PCDH9: variants seen among roughly 807,000 people sequenced by gnomAD.
The protein encoded by PCDH9 is protocadherin 9.
A neutral mutation model predicts 70.6 loss-of-function variants in PCDH9; 24 were observed. The observed-to-expected ratio is 0.34, with a 90% CI of 0.25 to 0.48. PCDH9 has a LOEUF of 0.48. Among genes scored for constraint, PCDH9 ranks in the 20% least tolerant of loss-of-function variants. PCDH9 has a pLI of 0.99. For missense variants in PCDH9, 1,281 were observed against 1,503.6 expected (o/e 0.85, Z 2.45); for synonymous variants, 562 against 558.5 (o/e 1.01, Z -0.09).
intron 3 of PCDH9, among the ~76,000 whole-genome samples, chr13:66,734,263 G>A (rs1039674996): frequency 6.6e-6 from 1 of 152,130 alleles, no homozygotes; most frequent in African/African-American, 2.4e-5. Context: ...TCCCTGGTTG[G>A]CAGTACTCAT....
chr13:67,225,085 C>A lies in PCDH9; in HGVS notation c.3036+320G>T, dbSNP rs186748281. On this transcript the variant is annotated intron_variant, in intron 2 of 4. Transcript: ENST00000377865. ...CAGTCAATTTGGAAACCCCCAGGAG[C>A]AGAATTTGGCATATCAGGACAGGTT... 9.6e-4 allele frequency: 1,132 copies of A among 1,182,232 alleles called. 23 individuals are homozygous for A. Among genetic ancestry groups the A allele is most frequent in the East Asian group, 2.1e-3 (46 of 22,348 alleles). The allele number at this position is 1,182,232 out of a possible 1,614,324, so 73.2% of individuals were successfully genotyped here.
At chr13:66,337,698 T>A (rs2079060168) in intron 4 of PCDH9, among the ~76,000 whole-genome samples, 1 of 152,068 alleles carries the variant, frequency 6.6e-6, no homozygotes, top group Non-Finnish European at 1.5e-5. Context: ...ACATCTTAAG[T>A]AATTTAAGGA....
chr13:66,891,255 CTTAT>C (rs1467385810), intron 3 of PCDH9, among the ~76,000 whole-genome samples: 2 of 151,934 alleles, frequency 1.3e-5, no homozygotes, highest in African/African-American at 4.8e-5. Context: ...CAATATTTGT[CTTAT>C]TTAAGATATT....
At chr13:66,533,041 A>G (rs1317357785) in intron 4 of PCDH9, among the ~76,000 whole-genome samples, 1 of 152,168 alleles carries the variant, frequency 6.6e-6, no homozygotes, top group African/African-American at 2.4e-5. Context: ...GGGTTGAGGA[A>G]GCCACTTATG....
At chr13:67,071,065 T>C (rs1283242574) in intron 2 of PCDH9, among the ~76,000 whole-genome samples, 2 of 152,150 alleles carry the variant, frequency 1.3e-5, no homozygotes, top group African/African-American at 4.8e-5. Context: ...AGAGGCACTA[T>C]CTCTTCAGAG....
intron 4 of PCDH9, among the ~76,000 whole-genome samples, chr13:66,406,106 A>G (rs1357375965): frequency 6.6e-6 from 1 of 152,160 alleles, no homozygotes; most frequent in East Asian, 1.9e-4. Context: ...AGTAAAAGGT[A>G]CAATTTGTTT....
At chr13:67,115,645 C>T (rs1306953204) in intron 2 of PCDH9, among the ~76,000 whole-genome samples, 1 of 151,644 alleles carries the variant, frequency 6.6e-6, no homozygotes, top group Non-Finnish European at 1.5e-5. Flanking sequence ...GCAAATGTCT[C>T]CAGTGAAATG....
At chr13:66,321,593 A>T (rs1040961684) in intron 4 of PCDH9, among the ~76,000 whole-genome samples, 2 of 151,932 alleles carry the variant, frequency 1.3e-5, no homozygotes, top group Admixed American at 6.6e-5. Flanking sequence ...TGGTCTGTTA[A>T]ATATACTGAA....
intron 2 of PCDH9, among the ~76,000 whole-genome samples, chr13:67,070,949 C>T (rs187591832): frequency 1.3e-5 from 2 of 152,182 alleles, no homozygotes; most frequent in Non-Finnish European, 2.9e-5. Context: ...AGCTCCTAAA[C>T]TCTAAGTAGT....
chr13:67,063,151 T>G (rs2085571865), intron 2 of PCDH9, among the ~76,000 whole-genome samples: 1 of 152,188 alleles, frequency 6.6e-6, no homozygotes, highest in South Asian at 2.1e-4. Flanking sequence ...GTACTCACTT[T>G]GTGGTCTTAG....
At chr13:66,330,296 T>G (rs1432552542) in intron 4 of PCDH9, among the ~76,000 whole-genome samples, 2 of 152,246 alleles carry the variant, frequency 1.3e-5, no homozygotes, top group African/African-American at 4.8e-5. Context: ...GGGTCCATTT[T>G]CAGAATTGAA....
chr13:66,587,297 CAAACA>C (rs542611312), intron 4 of PCDH9, among the ~76,000 whole-genome samples: 50 of 151,718 alleles, frequency 3.3e-4, no homozygotes, highest in Admixed American at 2.2e-3. Context: ...GACCCTGTCT[CAAACA>C]AAACAAAACA....
At chr13:66,779,777 C>A (rs1020622750) in intron 3 of PCDH9, among the ~76,000 whole-genome samples, 1 of 149,738 alleles carries the variant, frequency 6.7e-6, no homozygotes, top group Non-Finnish European at 1.5e-5. Flanking sequence ...GCTGAGATTG[C>A]GCCACTGTAC....
chr13:66,723,115 G>A (rs116313233), intron 3 of PCDH9, among the ~76,000 whole-genome samples: 2,579 of 151,662 alleles, frequency 0.017, 83 homozygotes, highest in African/African-American at 0.059. Flanking sequence ...TTTGGCTTGA[G>A]TAAGTTAGCA....
chr13:67,050,583 A>T (rs889938290), intron 2 of PCDH9, among the ~76,000 whole-genome samples: 1 of 152,228 alleles, frequency 6.6e-6, no homozygotes, highest in South Asian at 2.1e-4. Context: ...AGCAGTAGGC[A>T]GCTACATATT....
At chr13:66,607,009 A>G (rs2077229803) in intron 4 of PCDH9, among the ~76,000 whole-genome samples, 1 of 152,126 alleles carries the variant, frequency 6.6e-6, no homozygotes, top group African/African-American at 2.4e-5. Flanking sequence ...AGATTTCTGA[A>G]TCTACTTATA....
At chr13:66,575,866 A>G (rs2076807491) in intron 4 of PCDH9, among the ~76,000 whole-genome samples, 1 of 152,154 alleles carries the variant, frequency 6.6e-6, no homozygotes, top group Non-Finnish European at 1.5e-5. Context: ...CCTATGAGAT[A>G]AGAAACTATG....
intron 3 of PCDH9, among the ~76,000 whole-genome samples, chr13:66,641,291 T>C (rs1194470208): frequency 1.3e-5 from 2 of 152,190 alleles, no homozygotes; most frequent in African/African-American, 2.4e-5. Flanking sequence ...TTCTAGTCTA[T>C]GATTCAAGGA....
chr13:66,316,450 G>C (rs1955652831), intron 4 of PCDH9, among the ~76,000 whole-genome samples: 1 of 152,140 alleles, frequency 6.6e-6, no homozygotes, highest in South Asian at 2.1e-4. Context: ...TCATGATCTG[G>C]TTCCTGCAGA....
Sources: gnomAD v4.1 joint callset for allele counts (sites outside exome capture counted in the v4.1 genomes callset) on GRCh38, gnomAD v4.1.1 for gene constraint, MANE v1.5 for transcripts, NCBI Gene and HGNC (gene_info 2026-07-23, HGNC 2026-07-21) for gene names.